CHL1: variants seen among roughly 807,000 people sequenced by gnomAD.
CHL1 encodes neural cell adhesion molecule L1-like protein.
Under a neutral mutation model 141.9 loss-of-function variants are expected in CHL1, and 96 were observed. The ratio of observed to expected loss-of-function variants is 0.68; its 90% CI spans 0.57 to 0.80. The LOEUF (loss-of-function observed/expected upper bound fraction) is 0.80. Among genes scored for constraint, CHL1 ranks in the 30% least tolerant of loss-of-function variants. The pLI is 0.00. For missense variants in CHL1, 1,820 were observed against 1,457.2 expected, an observed-to-expected ratio of 1.25 and a Z score of -4.05; for synonymous variants, 613 against 502.2, an observed-to-expected ratio of 1.22 and a Z score of -2.95.
chr3:202,715 G>A (rs1401711467), intron 1 of CHL1, among the ~76,000 whole-genome samples: 1 of 152,222 alleles, frequency 6.6e-6, no homozygotes, highest in Non-Finnish European at 1.5e-5. Flanking sequence ...ATGAAATGTG[G>A]CTGAAAGAGA....
chr3:406,069 T>A lies in CHL1; in HGVS notation c.*358T>A. 1 of 224,042 alleles carries A rather than the reference T, an allele frequency of 4.5e-6. No homozygotes were observed. Among genetic ancestry groups the A allele is most frequent in the Non-Finnish European group, 8.9e-6 (1 of 112,642 alleles). The allele number at this position is 224,042 out of a possible 1,614,324, so 13.9% of individuals were successfully genotyped here. On this transcript the variant is annotated 3_prime_UTR_variant, in exon 28 of 28. Coordinates refer to ENST00000256509, the MANE Select transcript of CHL1 (RefSeq NM_006614.4). ...TAGATGTTGCTACTTGGTGGGTTTT[T>A]CTCCGTATGCACATTGGTATACAGT...
In CHL1 at chr3:382,683, C is replaced by G. The variant is rs753494543; in HGVS notation, c.2176+12C>G. On this transcript the variant is annotated intron_variant, in intron 18 of 27. Transcript: ENST00000256509. ...AACACCACCAGCAGGTATGCAGGTT[C>G]TCACATCAGGTTTCTAACAAAATAT... is the stretch of plus-strand genomic sequence containing the variant. 2.1e-5 allele frequency: 33 copies of G among 1,607,330 alleles called. No homozygotes were observed. In the Middle Eastern group the frequency reaches 5.0e-4, roughly 24 times the overall value.
chr3:279,716 A>G (rs1248406171), intron 2 of CHL1, among the ~76,000 whole-genome samples: 1 of 152,188 alleles, frequency 6.6e-6, no homozygotes, highest in Admixed American at 6.5e-5. Context: ...GCAGAGCAAA[A>G]AGCTGAACTG....
At chr3:219,061 A>G (rs1574738670) in intron 1 of CHL1, among the ~76,000 whole-genome samples, 2 of 135,720 alleles carry the variant, frequency 1.5e-5, no homozygotes, top group East Asian at 3.9e-4. Context: ...AGGCAGGAGA[A>G]TGGCATGAAC....
At chr3:276,021 A>G in intron 2 of CHL1, among the ~76,000 whole-genome samples, 1 of 152,098 alleles carries the variant, frequency 6.6e-6, no homozygotes, top group South Asian at 2.1e-4. Context: ...TGTTCTAAAA[A>G]CTAATAATTA....
At chr3:322,669 T>TAA (rs1270443383) in intron 3 of CHL1, among the ~76,000 whole-genome samples, 2 of 132,210 alleles carry the variant, frequency 1.5e-5, no homozygotes, top group Non-Finnish European at 3.1e-5. Context: ...TATATATATA[T>TAA]AATTATATAT....
intron 10 of CHL1, among the ~76,000 whole-genome samples, chr3:353,096 T>C (rs899931476): frequency 6.6e-6 from 1 of 152,208 alleles, no homozygotes; most frequent in Non-Finnish European, 1.5e-5. Context: ...TTGGATGACG[T>C]GATAATTTGG....
At chr3:305,646 T>C (rs1179656921) in intron 2 of CHL1, among the ~76,000 whole-genome samples, 1 of 151,316 alleles carries the variant, frequency 6.6e-6, no homozygotes, top group Non-Finnish European at 1.5e-5. Context: ...ATAATAGATA[T>C]ATCATTTATA....
At chr3:335,759 C>T (rs1037175805) in intron 5 of CHL1, among the ~76,000 whole-genome samples, 8 of 152,108 alleles carry the variant, frequency 5.3e-5, no homozygotes, top group Middle Eastern at 3.2e-3. Context: ...GTCCTTCTAC[C>T]TCCTCTGAAA....
chr3:217,398 A>C (rs992458022), intron 1 of CHL1: 6 of 152,206 alleles, frequency 3.9e-5, no homozygotes, highest in Non-Finnish European at 7.3e-5. Context: ...CTGCCCTCCC[A>C]GAGTTGCCAT....
intron 15 of CHL1, among the ~76,000 whole-genome samples, chr3:372,919 G>T (rs7645588): frequency 0.63 from 95,640 of 151,660 alleles, 30,519 homozygotes; most frequent in East Asian, 0.85. Flanking sequence ...TCTGGTTCAC[G>T]CCTATGCCTG....
intron 15 of CHL1, among the ~76,000 whole-genome samples, chr3:370,259 T>A (rs1705457807): frequency 6.6e-6 from 1 of 152,338 alleles, no homozygotes; most frequent in East Asian, 1.9e-4. Flanking sequence ...TATTAATTAC[T>A]GCCTCAATTT....
intron 2 of CHL1, among the ~76,000 whole-genome samples, chr3:261,606 T>A (rs559294230): frequency 6.6e-6 from 1 of 152,174 alleles, no homozygotes; most frequent in African/African-American, 2.4e-5. Flanking sequence ...TGAATGATAT[T>A]ATTGAAACAT....
At chr3:326,410 A>G (rs547807290) in intron 4 of CHL1, among the ~76,000 whole-genome samples, 1 of 152,132 alleles carries the variant, frequency 6.6e-6, no homozygotes, top group South Asian at 2.1e-4. Context: ...AGCATTTATT[A>G]AGTCAAAGTT....
Position 390,944 on chromosome 3 carries a change from T to G in CHL1, c.2587-11T>G. The G allele has an allele frequency of 6.2e-7, 1 of 1,612,460 alleles. No individual in the cohort carries two copies. Among genetic ancestry groups the G allele is most frequent in the Non-Finnish European group, 8.5e-7 (1 of 1,178,836 alleles). On this transcript the variant is annotated splice_polypyrimidine_tract_variant and intron_variant, in intron 21 of 27. Transcript: ENST00000256509. Reference sequence around the variant, plus strand: ...AATGGATATACTAAAAGATTTTGGTTTTCATTGCAGATAAATTGGTGGAAA... The same window carrying G: ...AATGGATATACTAAAAGATTTTGGTGTTCATTGCAGATAAATTGGTGGAAA...
At chr3:244,394 G>T (rs768085204) in intron 1 of CHL1, among the ~76,000 whole-genome samples, 1 of 152,132 alleles carries the variant, frequency 6.6e-6, no homozygotes, top group South Asian at 2.1e-4. Flanking sequence ...TTGCATGCCT[G>T]CCCTCTCTCC....
chr3:236,495 A>G (rs1395464751), intron 1 of CHL1, among the ~76,000 whole-genome samples: 3 of 152,180 alleles, frequency 2.0e-5, no homozygotes, highest in Non-Finnish European at 4.4e-5. Flanking sequence ...CCTCATTTCT[A>G]TGAATAAACT....
chr3:215,471 G>A (rs1174345310), intron 1 of CHL1, among the ~76,000 whole-genome samples: 1 of 152,144 alleles, frequency 6.6e-6, no homozygotes, highest in Non-Finnish European at 1.5e-5. Context: ...GGAGAAATAA[G>A]TTCTGGTGTT....
At chr3:391,899 G>T in intron 23 of CHL1, 102 bp downstream of exon 23, 1 of 928,146 alleles carries the variant, frequency 1.1e-6, no homozygotes. Flanking sequence ...TAAGGCCATG[G>T]TTTGTAAGCT....
Sources: allele counts gnomAD v4.1 joint callset (sites outside exome capture counted in the v4.1 genomes callset), GRCh38; gene constraint gnomAD v4.1.1; transcripts MANE v1.5; gene names NCBI Gene and HGNC (gene_info 2026-07-23, HGNC 2026-07-21).